Variants in CRTAC1 observed in about 807,000 individuals in gnomAD.
CRTAC1 encodes the protein acidic secreted protein in cartilage.
CRTAC1 carries 37 observed loss-of-function variants against 67.8 expected under a neutral mutation model. The ratio of observed to expected loss-of-function variants is 0.55; its 90% confidence interval spans 0.42 to 0.72. The LOEUF is 0.72. Ranked by LOEUF, CRTAC1 falls within the 30% of genes least tolerant of loss-of-function variation. The pLI is 0.00. For missense variants in CRTAC1, 780 were observed against 931.6 expected, an observed-to-expected ratio of 0.84 and a Z score of 2.12; for synonymous variants, 348 against 371.0, an observed-to-expected ratio of 0.94 and a Z score of 0.71.
chr10:97,953,855 T>A (rs896099867), intron 2 of CRTAC1, among the ~76,000 whole-genome samples: 3 of 152,224 alleles, frequency 2.0e-5, no homozygotes, highest in African/African-American at 7.2e-5. Flanking sequence ...AGACCAGGGA[T>A]TCCTTTTGGC....
intron 3 of CRTAC1, among the ~76,000 whole-genome samples, chr10:97,924,926 ATGAG>A (rs1221881878): frequency 6.6e-5 from 10 of 152,074 alleles, no homozygotes; most frequent in African/African-American, 2.2e-4. Context: ...GGATGTGTGA[ATGAG>A]TGAGAGTATG....
intron 5 of CRTAC1, among the ~76,000 whole-genome samples, chr10:97,910,134 C>T (rs527417071): frequency 6.6e-6 from 1 of 152,294 alleles, no homozygotes; most frequent in South Asian, 2.1e-4. Context: ...ATCCATTGTA[C>T]AACATGGTGA....
At chr10:97,968,043 C>T (rs575612674) in intron 2 of CRTAC1, among the ~76,000 whole-genome samples, 88 of 152,124 alleles carry the variant, frequency 5.8e-4, no homozygotes, top group African/African-American at 2.1e-3. Context: ...ATGGGATTTG[C>T]AATCCAAAGA....
intron 3 of CRTAC1, among the ~76,000 whole-genome samples, chr10:97,927,135 G>A (rs769765542): frequency 3.3e-5 from 5 of 152,180 alleles, no homozygotes; most frequent in Admixed American, 6.5e-5. Context: ...GAGTTCCTGC[G>A]TTAGCTATCT....
intron 1 of CRTAC1, among the ~76,000 whole-genome samples, chr10:98,019,791 C>A (rs1017111698): frequency 6.6e-6 from 1 of 152,286 alleles, no homozygotes; most frequent in South Asian, 2.1e-4. Flanking sequence ...GCAAGCCCCA[C>A]GGGAGCCTGG....
At chr10:97,967,819 T>C (rs926091343) in intron 2 of CRTAC1, among the ~76,000 whole-genome samples, 7 of 152,166 alleles carry the variant, frequency 4.6e-5, no homozygotes, top group African/African-American at 1.7e-4. Flanking sequence ...ATGGGTAGAA[T>C]TGGAAAAATT....
At chr10:97,908,988 T>C (rs1216762166) in intron 5 of CRTAC1, among the ~76,000 whole-genome samples, 3 of 152,218 alleles carry the variant, frequency 2.0e-5, no homozygotes, top group East Asian at 3.8e-4. Context: ...AGAGAAACGA[T>C]AGTTGGCCTT....
intron 14 of CRTAC1, chr10:97,878,737 A>G (rs2050175105): frequency 7.7e-7 from 1 of 1,299,490 alleles, no homozygotes; most frequent in Admixed American, 2.4e-5. Context: ...GTCCAGCCAG[A>G]CATTGAGGAG....
intron 2 of CRTAC1, among the ~76,000 whole-genome samples, chr10:97,938,348 C>T (rs138224113): frequency 6.6e-6 from 1 of 152,298 alleles, no homozygotes; most frequent in East Asian, 1.9e-4. Flanking sequence ...TTTTCCATCA[C>T]TACTGCACCT....
intron 2 of CRTAC1, among the ~76,000 whole-genome samples, chr10:97,994,329 G>T (rs1293696944): frequency 1.3e-5 from 2 of 152,118 alleles, no homozygotes; most frequent in African/African-American, 4.8e-5. Context: ...TCTCCTTTGG[G>T]GCTAGGGATG....
chr10:97,904,405 TTTTTA>T (rs911606878), intron 7 of CRTAC1, among the ~76,000 whole-genome samples: 4 of 152,036 alleles, frequency 2.6e-5, no homozygotes, highest in African/African-American at 2.4e-5. Flanking sequence ...AGGCCCTTTC[TTTTTA>T]TTTTATTTTA....
At chr10:97,987,237 T>C (rs943108098) in intron 2 of CRTAC1, among the ~76,000 whole-genome samples, 1 of 152,230 alleles carries the variant, frequency 6.6e-6, no homozygotes, top group African/African-American at 2.4e-5. Context: ...CATGCCCTGG[T>C]TGGCTCCTTT....
chr10:98,002,937 C>A (rs943344582), intron 2 of CRTAC1, among the ~76,000 whole-genome samples: 2 of 150,878 alleles, frequency 1.3e-5, no homozygotes, highest in Non-Finnish European at 3.0e-5. Context: ...CGCCACCACA[C>A]CCAGCTAATT....
chr10:97,914,119 G>A (rs2050726223), intron 5 of CRTAC1, among the ~76,000 whole-genome samples: 1 of 152,202 alleles, frequency 6.6e-6, no homozygotes, highest in African/African-American at 2.4e-5. Flanking sequence ...GGGAGGAGGC[G>A]AGGCCTAGGG....
At chr10:97,984,901 C>A (rs895749325) in intron 2 of CRTAC1, among the ~76,000 whole-genome samples, 2 of 152,224 alleles carry the variant, frequency 1.3e-5, no homozygotes, top group Non-Finnish European at 2.9e-5. Context: ...GGAGCCAGAA[C>A]CTTCTGACAG....
chr10:97,917,463 C>G, intron 5 of CRTAC1, 37 bp downstream of exon 5: 1 of 1,441,422 alleles, frequency 6.9e-7, no homozygotes, highest in Non-Finnish European at 9.2e-7. Context: ...CAGCCCCAGC[C>G]CCTCCAGCAT....
intron 2 of CRTAC1, among the ~76,000 whole-genome samples, chr10:97,983,460 A>G (rs1394734994): frequency 6.6e-6 from 1 of 151,726 alleles, no homozygotes; most frequent in Admixed American, 6.6e-5. Flanking sequence ...TAAATAATCC[A>G]AGACTGTCTT....
At chr10:98,025,277 G>A (rs1166081874) in intron 1 of CRTAC1, among the ~76,000 whole-genome samples, 2 of 152,134 alleles carry the variant, frequency 1.3e-5, no homozygotes, top group African/African-American at 4.8e-5. Flanking sequence ...TGTGAGACGT[G>A]TTCTGTGCAC....
chr10:97,961,308 C>T (rs1351501977), intron 2 of CRTAC1, among the ~76,000 whole-genome samples: 2 of 152,092 alleles, frequency 1.3e-5, no homozygotes, highest in Non-Finnish European at 2.9e-5. Flanking sequence ...TATCCTTTTT[C>T]TCATCTTTTG....
Sources: gnomAD v4.1 joint callset for allele counts (sites outside exome capture counted in the v4.1 genomes callset) on GRCh38, gnomAD v4.1.1 for gene constraint, MANE v1.5 for transcripts, NCBI Gene and HGNC (gene_info 2026-07-23, HGNC 2026-07-21) for gene names.